Variants in CRIM1 observed in about 807,000 individuals in gnomAD.
CRIM1 encodes cysteine-rich motor neuron 1 protein.
CRIM1 carries 32 observed loss-of-function variants against 116.4 expected under a neutral mutation model. The ratio of observed to expected loss-of-function variants is 0.27; its 90% CI spans 0.21 to 0.37. The LOEUF is 0.37. Ranked by LOEUF, CRIM1 falls within the 10% of genes least tolerant of loss-of-function variation. The pLI is 1.00. For missense variants in CRIM1, 1,331 were observed against 1,354.8 expected (o/e 0.98, Z 0.28); for synonymous variants, 590 against 509.2 (o/e 1.16, Z -2.13).
At chr2:36,404,328 A>G (rs996052563) in intron 2 of CRIM1, among the ~76,000 whole-genome samples, 3 of 152,228 alleles carry the variant, frequency 2.0e-5, no homozygotes, top group African/African-American at 7.2e-5. Flanking sequence ...TGACTATAGT[A>G]GAGCTGGTCA....
intron 2 of CRIM1, among the ~76,000 whole-genome samples, chr2:36,419,565 A>G (rs1673896394): frequency 6.6e-6 from 1 of 152,216 alleles, no homozygotes; most frequent in Non-Finnish European, 1.5e-5. Flanking sequence ...CTTAGTACAC[A>G]GCCCTTACTT....
At chr2:36,483,785 C>T (rs1378772800) in intron 7 of CRIM1, among the ~76,000 whole-genome samples, 1 of 152,156 alleles carries the variant, frequency 6.6e-6, no homozygotes, top group African/African-American at 2.4e-5. Flanking sequence ...CAGGAAGTCC[C>T]AACCAGACCC....
At position 36,442,596 on chromosome 2, in the gene CRIM1, C is replaced by T; in HGVS notation, c.749-19C>T. The T allele has an allele frequency of 1.2e-6, 2 of 1,614,044 alleles. No homozygotes were observed. The highest frequency in any genetic ancestry group is 1.1e-5 in the South Asian group (1 of 91,070). On this transcript the variant is annotated intron_variant, in intron 3 of 16. Transcript: ENST00000280527. ...GTAAATATAACAATAAACGGTGCCT[C>T]TCTGTTTGCCCCTTTCAGTTTTCGG...
In CRIM1 at chr2:36,360,882, A is replaced by G. The variant is rs547185875; in HGVS notation, c.331+4259A>G. On this transcript the variant is annotated intron_variant, in intron 1 of 16. Coordinates refer to ENST00000280527, the MANE Select transcript of CRIM1 (RefSeq NM_016441.3). Reference sequence around the variant, plus strand: ...AATTAAGCTCTTGGCTTTGTTTTGGAATAATGGGTTTCATTTTTCCTCTCA... The same window carrying G: ...AATTAAGCTCTTGGCTTTGTTTTGGGATAATGGGTTTCATTTTTCCTCTCA... 1.2e-4 allele frequency among the ~76,000 whole-genome samples: 18 copies of G among 152,228 alleles called. No individual in the cohort carries two copies. In the East Asian group the frequency reaches 3.5e-3, roughly 29 times the overall value.
At chr2:36,460,600 A>T (rs1677504904) in intron 4 of CRIM1, among the ~76,000 whole-genome samples, 2 of 152,236 alleles carry the variant, frequency 1.3e-5, no homozygotes, top group African/African-American at 4.8e-5. Flanking sequence ...GCTCAAGGTC[A>T]TGCAAATAGC....
intron 8 of CRIM1, among the ~76,000 whole-genome samples, chr2:36,506,157 ACT>A (rs1191448142): frequency 0.08 from 9,903 of 124,166 alleles, 809 homozygotes; most frequent in East Asian, 0.24. Context: ...ACACACACAC[ACT>A]CTCTCTCTCT....
intron 1 of CRIM1, among the ~76,000 whole-genome samples, chr2:36,370,980 C>A (rs1245831284): frequency 6.6e-6 from 1 of 152,144 alleles, no homozygotes; most frequent in Non-Finnish European, 1.5e-5. Context: ...GGTTTTCCAA[C>A]TTTATTTCCA....
intron 13 of CRIM1, among the ~76,000 whole-genome samples, chr2:36,525,828 G>T (rs77266342): frequency 6.6e-6 from 1 of 152,044 alleles, no homozygotes; most frequent in Non-Finnish European, 1.5e-5. Context: ...CAAAAAAAAA[G>T]TATGCATGTG....
At chr2:36,389,778 A>G (rs535627950) in intron 1 of CRIM1, among the ~76,000 whole-genome samples, 60 of 152,144 alleles carry the variant, frequency 3.9e-4, no homozygotes, top group Non-Finnish European at 6.9e-4. Context: ...GTTTTGTTTC[A>G]TGTTAGTGGA....
Position 36,393,662 on chromosome 2 carries a change from G to A in CRIM1, c.332-2952G>A, listed in dbSNP as rs563987729. On this transcript the variant is annotated intron_variant, in intron 1 of 16. Transcript: ENST00000280527. ...AGCTTATTCTCCTGGGGCAGGTAGA[G>A]AAGGCTTCTCAAAAGAGGTAACATC... Among the ~76,000 whole-genome samples, 9 of 152,308 alleles carry A rather than the reference G, an allele frequency of 5.9e-5. 1 individual carries two copies. The South Asian group carries it at 1.9e-3, about 32-fold the overall frequency.
chr2:36,432,225 T>C (rs1403185011), intron 2 of CRIM1, among the ~76,000 whole-genome samples: 1 of 152,238 alleles, frequency 6.6e-6, no homozygotes, highest in African/African-American at 2.4e-5. Context: ...GAGAAGACTG[T>C]AGTTTATTAG....
intron 2 of CRIM1, among the ~76,000 whole-genome samples, chr2:36,436,198 G>GA (rs909511127): frequency 6.6e-5 from 10 of 151,354 alleles, no homozygotes; most frequent in African/African-American, 2.4e-4. Context: ...AGAAAAGGCT[G>GA]AAAAAAAAGG....
At chr2:36,415,575 T>C (rs779030611) in intron 2 of CRIM1, among the ~76,000 whole-genome samples, 1 of 152,194 alleles carries the variant, frequency 6.6e-6, no homozygotes, top group Non-Finnish European at 1.5e-5. Context: ...ATAGATTCTT[T>C]CTGTAAGTTT....
chr2:36,404,136 CTGTT>C (rs1374145385), intron 2 of CRIM1, among the ~76,000 whole-genome samples: 1 of 152,158 alleles, frequency 6.6e-6, no homozygotes, highest in Non-Finnish European at 1.5e-5. Flanking sequence ...AGTGACTCCT[CTGTT>C]AGCATGGTAG....
intron 1 of CRIM1, among the ~76,000 whole-genome samples, chr2:36,380,508 G>A (rs1393138713): frequency 1.3e-5 from 2 of 152,142 alleles, no homozygotes; most frequent in African/African-American, 2.4e-5. Flanking sequence ...AGGAGGAGTT[G>A]GAAGCCCTTG....
At chr2:36,499,096 C>T (rs887036649) in intron 7 of CRIM1, 123 bp from the exon 8 acceptor site, 52 of 716,388 alleles carry the variant, frequency 7.3e-5, no homozygotes, top group East Asian at 5.4e-4. Flanking sequence ...TAAAAGTTTA[C>T]GATTTGATGA....
chr2:36,490,588 T>C (rs1558363293), intron 7 of CRIM1, among the ~76,000 whole-genome samples: 1 of 152,214 alleles, frequency 6.6e-6, no homozygotes, highest in African/African-American at 2.4e-5. Flanking sequence ...GTTACTGTTA[T>C]TCTGAACTCT....
At chr2:36,366,445 T>C (rs1362983983) in intron 1 of CRIM1, among the ~76,000 whole-genome samples, 1 of 152,118 alleles carries the variant, frequency 6.6e-6, no homozygotes, top group Non-Finnish European at 1.5e-5. Flanking sequence ...TTGTAGGGTG[T>C]TACCATTTTG....
intron 7 of CRIM1, among the ~76,000 whole-genome samples, chr2:36,497,452 A>G (rs567730760): frequency 2.0e-4 from 30 of 152,340 alleles, no homozygotes; most frequent in Admixed American, 3.9e-4. Context: ...AGTAGTGATA[A>G]AAGAAAGACT....
Sources: allele counts gnomAD v4.1 joint callset (sites outside exome capture counted in the v4.1 genomes callset), GRCh38; gene constraint gnomAD v4.1.1; transcripts MANE v1.5; gene names NCBI Gene and HGNC (gene_info 2026-07-23, HGNC 2026-07-21).